Variants in MLPH observed in about 807,000 individuals in gnomAD.
The protein encoded by MLPH is exophilin-3.
Under a neutral mutation model 72.1 loss-of-function variants are expected in MLPH, and 51 were observed. The observed-to-expected ratio is 0.71, with a 90% CI of 0.56 to 0.89. The LOEUF is 0.89. MLPH is among the 40% of genes least tolerant of loss of function. MLPH has a pLI of 0.00. For synonymous variants in MLPH, 301 were observed against 310.1 expected, an observed-to-expected ratio of 0.97 and a Z score of 0.31; for missense variants, 743 against 759.9, an observed-to-expected ratio of 0.98 and a Z score of 0.26.
Position 237,510,603 on chromosome 2 carries a change from G to T in MLPH, c.140G>T (p.Ser47Ile), listed in dbSNP as rs1268700852. Residue 47 changes from serine (S) to isoleucine (I), a missense_variant, in exon 3 of 16, where the codon AGC becomes ATC. By Grantham distance (142) the Ser-to-Ile change is moderately radical. Transcript: ENST00000264605. The surrounding 1 kb of genome is among the most constrained non-coding windows in gnomAD (Gnocchi z 4.4). ...EALKGKIKKE[S>I]SKRELLSDTA... is the part of the protein sequence containing the mutation. ...TTGAAGGGCAAGATTAAGAAGGAAA[G>T]CTCCAAGAGGGAGCTGCTTTCCGAC... 1 of 1,613,400 alleles carries T rather than the reference G, an allele frequency of 6.2e-7. No homozygotes were observed. The highest frequency in any genetic ancestry group is 1.1e-5 in the South Asian group (1 of 91,086).
intron 6 of MLPH, among the ~76,000 whole-genome samples, chr2:237,523,224 C>T (rs7586786): frequency 0.017 from 2,578 of 152,092 alleles, 46 homozygotes; most frequent in South Asian, 0.067. Flanking sequence ...ATATAAACAT[C>T]GTTGTAGGGA....
chr2:237,522,994 C>T (rs1346198599), intron 6 of MLPH, among the ~76,000 whole-genome samples: 2 of 152,090 alleles, frequency 1.3e-5, no homozygotes, highest in African/African-American at 2.4e-5. Context: ...CTGAAAGAGG[C>T]GGTAACCAGA....
chr2:237,539,243 C>T (rs1251458241), intron 9 of MLPH, among the ~76,000 whole-genome samples: 1 of 152,180 alleles, frequency 6.6e-6, no homozygotes, highest in African/African-American at 2.4e-5. Flanking sequence ...GGTGAGGCAG[C>T]AGGGCCGGCT....
Position 237,552,090 on chromosome 2 carries a change from C to T in MLPH, c.1676-247C>T, listed in dbSNP as rs556393393. The T allele has an allele frequency of 1.3e-5, 6 of 478,106 alleles. No individual in the cohort carries two copies. In the East Asian group the frequency reaches 2.3e-4, roughly 19 times the overall value. 29.6% of individuals were successfully genotyped at this position (478,106 alleles called of 1,614,324 possible). A position where few individuals can be genotyped will look rare whatever the true frequency, so the allele number is the denominator to read the frequency against. On this transcript the variant is annotated intron_variant, in intron 14 of 15. Coordinates refer to ENST00000264605, the MANE Select transcript of MLPH (RefSeq NM_024101.7). Reference sequence around the variant, plus strand: ...GCTGCTTCATTAGTGTGAGGATTTCCAGGGCCACAGTGAGGAAGAATGTTA... The same window carrying T: ...GCTGCTTCATTAGTGTGAGGATTTCTAGGGCCACAGTGAGGAAGAATGTTA...
At chr2:237,552,287 C>A in intron 14 of MLPH, 50 bp from the exon 15 acceptor site, 1 of 1,538,132 alleles carries the variant, frequency 6.5e-7, no homozygotes, top group Non-Finnish European at 9.0e-7. Context: ...CTTGTTTGGG[C>A]TAAGTATGTG....
intron 1 of MLPH, among the ~76,000 whole-genome samples, chr2:237,488,680 A>AT (rs564318454): frequency 4.8e-4 from 73 of 152,210 alleles, no homozygotes; most frequent in Non-Finnish European, 9.8e-4. Flanking sequence ...CGGCACACAC[A>AT]TGGGGAGTCA....
intron 8 of MLPH, among the ~76,000 whole-genome samples, chr2:237,528,677 T>G (rs2080356364): frequency 6.7e-6 from 1 of 149,686 alleles, no homozygotes; most frequent in South Asian, 2.3e-4. Context: ...TTTACAGTGT[T>G]GTGTAACCAC....
intron 2 of MLPH, among the ~76,000 whole-genome samples, chr2:237,496,091 C>T (rs775722184): frequency 5.9e-5 from 9 of 152,248 alleles, no homozygotes; most frequent in Non-Finnish European, 7.3e-5. Flanking sequence ...GGCAGAACAT[C>T]GTTCTCATTA....
intron 2 of MLPH, among the ~76,000 whole-genome samples, chr2:237,499,089 C>G (rs113847143): frequency 0.12 from 18,289 of 151,956 alleles, 3,388 homozygotes; most frequent in African/African-American, 0.4. Context: ...CGGAGGGTTT[C>G]GTCCATATGC....
intron 2 of MLPH, among the ~76,000 whole-genome samples, chr2:237,500,110 A>G (rs567725445): frequency 1.3e-5 from 2 of 152,346 alleles, no homozygotes; most frequent in African/African-American, 2.4e-5. Flanking sequence ...CTCAGCACTC[A>G]TTGAGCCCTC....
chr2:237,511,184 G>T, intron 4 of MLPH, 83 bp downstream of exon 4: 1 of 972,620 alleles, frequency 1.0e-6, no homozygotes, highest in Non-Finnish European at 1.7e-6. Context: ...GTGTGCATGT[G>T]TGTGTGTACG....
intron 4 of MLPH, among the ~76,000 whole-genome samples, chr2:237,516,993 G>A (rs2080044836): frequency 8.7e-6 from 1 of 115,156 alleles, no homozygotes; most frequent in Non-Finnish European, 1.8e-5. Flanking sequence ...AAGGTGGTAG[G>A]TGAGTGGATG....
In MLPH at chr2:237,522,431, G is replaced by A. The variant is rs533890123; in HGVS notation, c.675+2402G>A. On this transcript the variant is annotated intron_variant, in intron 6 of 15. Transcript: ENST00000264605. Reference sequence around the variant, plus strand: ...TAGTGCTGGAGCGGAGCAGGGCTGAGACTGGGGTTGGGCCTTCAAACACCT... The same window carrying A: ...TAGTGCTGGAGCGGAGCAGGGCTGAAACTGGGGTTGGGCCTTCAAACACCT... Among the ~76,000 whole-genome samples, 490 of 110,050 alleles carry A rather than the reference G, an allele frequency of 4.5e-3. 9 individuals are homozygous for A. Among genetic ancestry groups the A allele is most frequent in the Non-Finnish European group, 5.9e-3 (311 of 53,104 alleles). 72.2% of individuals were successfully genotyped at this position (110,050 alleles called of 152,430 possible). A position where few individuals can be genotyped will look rare whatever the true frequency, so the allele number is the denominator to read the frequency against.
At chr2:237,494,645 C>T (rs1323021483) in intron 2 of MLPH, among the ~76,000 whole-genome samples, 1 of 152,078 alleles carries the variant, frequency 6.6e-6, no homozygotes, top group East Asian at 1.9e-4. Context: ...AAGGTTGTGG[C>T]CTGAGCAACT....
chr2:237,516,997 GTGGATGGATGGA>G (rs4053461), intron 4 of MLPH, among the ~76,000 whole-genome samples: 4,144 of 130,806 alleles, frequency 0.032, 224 homozygotes, highest in African/African-American at 0.12. Flanking sequence ...TGGTAGGTGA[GTGGATGGATGGA>G]TGGATGGATG....
Position 237,526,659 on chromosome 2 carries a change from G to A in MLPH, c.881-718G>A, listed in dbSNP as rs568581234. 8.5e-5 allele frequency among the ~76,000 whole-genome samples: 13 copies of A among 152,262 alleles called. No individual in the cohort carries two copies. The East Asian group carries it at 2.1e-3, about 25-fold the overall frequency. On this transcript the variant is annotated intron_variant, in intron 7 of 15. Coordinates refer to ENST00000264605, the MANE Select transcript of MLPH (RefSeq NM_024101.7). ...GTCTGGGGGAGAGGCCATCGTGCTG[G>A]GAGAGCTGCCTCAGAGTCAGGCAGT...
At chr2:237,504,935 C>CA (rs1177565692) in intron 2 of MLPH, among the ~76,000 whole-genome samples, 1 of 152,188 alleles carries the variant, frequency 6.6e-6, no homozygotes, top group Admixed American at 6.5e-5. Context: ...CGTGAGACCC[C>CA]ACCCCTTGAG....
At chr2:237,552,157 GT>G in intron 14 of MLPH, 179 bp from the exon 15 acceptor site, 1 of 578,948 alleles carries the variant, frequency 1.7e-6, no homozygotes, top group East Asian at 3.0e-5. Context: ...TGGCAAAACT[GT>G]TGATTTGCAT....
At chr2:237,491,130 G>T (rs2079421418) in intron 1 of MLPH, among the ~76,000 whole-genome samples, 1 of 152,252 alleles carries the variant, frequency 6.6e-6, no homozygotes, top group African/African-American at 2.4e-5. Flanking sequence ...CAGCACAGGG[G>T]GAGTTTTGTT....
Sources: gnomAD v4.1 joint callset for allele counts (sites outside exome capture counted in the v4.1 genomes callset) on GRCh38, gnomAD v4.1.1 for gene constraint, Gnocchi (gnomAD v3.1) non-coding constraint, MANE v1.5 for transcripts, NCBI Gene and HGNC (gene_info 2026-07-23, HGNC 2026-07-21) for gene names.